The following DNAL1 variants were observed in gnomAD, a reference collection of about 807,000 sequenced individuals.
DNAL1 encodes chromosome 14 open reading frame 168.
DNAL1 carries 17 observed loss-of-function variants against 29.4 expected under a neutral mutation model. The ratio of observed to expected loss-of-function variants is 0.58; its 90% CI spans 0.40 to 0.87. The LOEUF is 0.87. Ranked by LOEUF, DNAL1 falls within the 40% of genes least tolerant of loss-of-function variation. DNAL1 has a pLI of 0.00. For missense variants in DNAL1, 188 were observed against 214.1 expected (o/e 0.88, Z 0.76); for synonymous variants, 78 against 76.3 (o/e 1.02, Z -0.12).
intron 6 of DNAL1, 77 bp from the exon 7 acceptor site, chr14:73,689,298 C>A: frequency 6.6e-7 from 1 of 1,517,458 alleles, no homozygotes; most frequent in South Asian, 1.2e-5. Flanking sequence ...CCCCAAAGTT[C>A]TGGGATTACA....
intron 5 of DNAL1, among the ~76,000 whole-genome samples, chr14:73,674,172 T>C (rs1272918780): frequency 2.0e-5 from 3 of 152,204 alleles, no homozygotes; most frequent in Non-Finnish European, 2.9e-5. Context: ...TCTCATTTCA[T>C]GTTTCTCTTC....
intron 4 of DNAL1, among the ~76,000 whole-genome samples, chr14:73,665,459 A>G (rs1891455021): frequency 6.6e-6 from 1 of 152,138 alleles, no homozygotes; most frequent in Non-Finnish European, 1.5e-5. Flanking sequence ...ATAACATATT[A>G]TTTATCATCA....
intron 5 of DNAL1, among the ~76,000 whole-genome samples, chr14:73,673,778 A>G (rs995481963): frequency 3.3e-5 from 5 of 151,870 alleles, no homozygotes; most frequent in African/African-American, 1.2e-4. Flanking sequence ...CTATAGTCCC[A>G]GCTACTCGGG....
At chr14:73,651,914 C>A (rs1160063300) in intron 1 of DNAL1, among the ~76,000 whole-genome samples, 1 of 152,188 alleles carries the variant, frequency 6.6e-6, no homozygotes. Context: ...GCCTCAGCCT[C>A]CCAAAGTGCT....
intron 4 of DNAL1, among the ~76,000 whole-genome samples, chr14:73,665,180 C>T (rs1253870820): frequency 6.6e-6 from 1 of 152,014 alleles, no homozygotes; most frequent in Admixed American, 6.6e-5. Context: ...ATCTTTTAAT[C>T]TTCTATTTCA....
chr14:73,681,223 T>A (rs1035183541), intron 5 of DNAL1, among the ~76,000 whole-genome samples: 5 of 151,566 alleles, frequency 3.3e-5, no homozygotes, highest in African/African-American at 1.2e-4. Flanking sequence ...AACCTCCGTC[T>A]CCTGGGTTCA....
At chr14:73,678,537 A>G (rs1773209477) in intron 5 of DNAL1, among the ~76,000 whole-genome samples, 1 of 130,924 alleles carries the variant, frequency 7.6e-6, no homozygotes, top group Non-Finnish European at 1.6e-5. Flanking sequence ...TTTTTTTAGC[A>G]GTGCTACCCC....
Position 73,703,178 on chromosome 14 carries a change from A to G in DNAL1, c.*7236A>G, listed in dbSNP as rs1217845043. The G allele has an allele frequency of 6.6e-6, 1 of 152,152 alleles. No individual in the cohort carries two copies. The highest frequency in any genetic ancestry group is 1.5e-5 in the Non-Finnish European group (1 of 68,024). The allele number at this position is 152,152 out of a possible 1,614,324, so 9.4% of individuals were successfully genotyped here. A position where few individuals can be genotyped will look rare whatever the true frequency, so the allele number is the denominator to read the frequency against. Reference sequence around the variant, plus strand: ...CCTTAATTCAGATCATAAATATCCCATTGTTATTTTTAGTTCATTGTTTCC... The same window carrying G: ...CCTTAATTCAGATCATAAATATCCCGTTGTTATTTTTAGTTCATTGTTTCC... On this transcript the variant is annotated 3_prime_UTR_variant, in exon 8 of 8. Transcript: ENST00000553645.
intron 5 of DNAL1, among the ~76,000 whole-genome samples, chr14:73,683,167 C>T (rs1332445869): frequency 3.3e-5 from 5 of 152,234 alleles, no homozygotes; most frequent in African/African-American, 4.8e-5. Context: ...TGAGCCACCG[C>T]GCCCAGCCTA....
At chr14:73,665,367 G>A (rs997706034) in intron 4 of DNAL1, among the ~76,000 whole-genome samples, 6 of 152,048 alleles carry the variant, frequency 3.9e-5, no homozygotes, top group Non-Finnish European at 7.4e-5. Flanking sequence ...TTTATTCTCT[G>A]CCTCAGTTTT....
At chr14:73,649,027 G>A (rs1167700564) in intron 1 of DNAL1, among the ~76,000 whole-genome samples, 1 of 152,008 alleles carries the variant, frequency 6.6e-6, no homozygotes, top group Non-Finnish European at 1.5e-5. Flanking sequence ...CCAGGCTGGA[G>A]TGCAGTGGTG....
Position 73,701,785 on chromosome 14 carries a change from A to C in DNAL1, c.*5843A>C, listed in dbSNP as rs1416648452. The stretch of plus-strand genomic sequence containing the variant: ...CCAACTCCATTCTGAAGAACATTTT[A>C]ACATCTATGAATACCTTGGTAATAA... On this transcript the variant is annotated 3_prime_UTR_variant, in exon 8 of 8. Coordinates refer to ENST00000553645, the MANE Select transcript of DNAL1 (RefSeq NM_031427.4). 2.9e-4 allele frequency: 44 copies of C among 152,180 alleles called. No individual in the cohort carries two copies. The highest frequency in any genetic ancestry group is 2.9e-3 in the Admixed American group (44 of 15,272). 9.4% of individuals were successfully genotyped at this position (152,180 alleles called of 1,614,324 possible). A position where few individuals can be genotyped will look rare whatever the true frequency, so the allele number is the denominator to read the frequency against.
At chr14:73,687,673 C>T (rs1197499798) in intron 6 of DNAL1, among the ~76,000 whole-genome samples, 1 of 152,158 alleles carries the variant, frequency 6.6e-6, no homozygotes, top group Non-Finnish European at 1.5e-5. Context: ...GAGATCGAGA[C>T]CATCCTGGCT....
chr14:73,659,153 A>G (rs958722482), intron 3 of DNAL1, among the ~76,000 whole-genome samples, 197 bp downstream of exon 3: 1 of 147,560 alleles, frequency 6.8e-6, no homozygotes, highest in Admixed American at 6.9e-5. Context: ...ATTGAACAGT[A>G]TAGTACAATT....
chr14:73,664,439 G>A (rs1400698533), intron 4 of DNAL1, among the ~76,000 whole-genome samples: 1 of 151,802 alleles, frequency 6.6e-6, no homozygotes, highest in Non-Finnish European at 1.5e-5. Flanking sequence ...CGCATTAAAA[G>A]TCATCTAAAA....
At chr14:73,649,824 A>G (rs1241423529) in intron 1 of DNAL1, among the ~76,000 whole-genome samples, 2 of 152,176 alleles carry the variant, frequency 1.3e-5, no homozygotes, top group East Asian at 1.9e-4. Context: ...TCCCTAGGAT[A>G]CTGAAATCTA....
At chr14:73,659,852 A>G (rs1230567195) in intron 3 of DNAL1, among the ~76,000 whole-genome samples, 1 of 152,226 alleles carries the variant, frequency 6.6e-6, no homozygotes, top group Non-Finnish European at 1.5e-5. Context: ...ATCAACCAAA[A>G]TCACAGCACT....
intron 7 of DNAL1, among the ~76,000 whole-genome samples, chr14:73,692,541 C>T (rs1189486915): frequency 1.3e-5 from 2 of 151,688 alleles, no homozygotes; most frequent in African/African-American, 4.8e-5. Context: ...TGCCTGTAAT[C>T]CCAGCTATTC....
rs769133110 is a variant in DNAL1, at chr14:73,703,154, C to G, written c.*7212C>G. The G allele has an allele frequency of 1.7e-4, 26 of 152,138 alleles. No homozygotes were observed. Among genetic ancestry groups the G allele is most frequent in the Non-Finnish European group, 2.9e-4 (20 of 68,002 alleles). The allele number at this position is 152,138 out of a possible 1,614,324, so 9.4% of individuals were successfully genotyped here. The stretch of plus-strand genomic sequence containing the variant: ...ATTTCTGAGTTTATACAAAGAAAGC[C>G]TTAATTCAGATCATAAATATCCCAT... On this transcript the variant is annotated 3_prime_UTR_variant, in exon 8 of 8. Coordinates refer to ENST00000553645, the MANE Select transcript of DNAL1 (RefSeq NM_031427.4).
Sources: gnomAD v4.1 joint callset for allele counts (sites outside exome capture counted in the v4.1 genomes callset) on GRCh38, gnomAD v4.1.1 for gene constraint, MANE v1.5 for transcripts, NCBI Gene and HGNC (gene_info 2026-07-23, HGNC 2026-07-21) for gene names.